The following TAFA1 variants were observed in gnomAD, a reference collection of about 807,000 sequenced individuals.
The protein encoded by TAFA1 is chemokine-like protein TAFA-1.
Under a neutral mutation model 18.5 loss-of-function variants are expected in TAFA1, and 4 were observed. The observed-to-expected ratio is 0.22, with a 90% CI of 0.11 to 0.49. The LOEUF (loss-of-function observed/expected upper bound fraction) is 0.49, where lower values mean the gene tolerates loss of function less well. Ranked by LOEUF, TAFA1 falls within the 20% of genes least tolerant of loss-of-function variation. The pLI, the probability that TAFA1 is intolerant of heterozygous loss-of-function variation, is 0.98. For synonymous variants in TAFA1, 56 were observed against 55.2 expected, an observed-to-expected ratio of 1.01 and a Z score of -0.06; for missense variants, 147 against 169.0, an observed-to-expected ratio of 0.87 and a Z score of 0.72.
intron 2 of TAFA1, among the ~76,000 whole-genome samples, chr3:68,259,417 C>T (rs879230485): frequency 1.3e-5 from 2 of 152,118 alleles, no homozygotes; most frequent in African/African-American, 4.8e-5. Context: ...CTTGGCGATG[C>T]GGGCTCTTTT....
chr3:68,465,244 G>A (rs2071864928), intron 3 of TAFA1, among the ~76,000 whole-genome samples: 1 of 152,068 alleles, frequency 6.6e-6, no homozygotes, highest in African/African-American at 2.4e-5. Context: ...ATACTACTGG[G>A]AACAACTAGC....
intron 2 of TAFA1, among the ~76,000 whole-genome samples, chr3:68,402,047 C>T (rs886177853): frequency 1.3e-5 from 2 of 152,174 alleles, no homozygotes; most frequent in African/African-American, 4.8e-5. Flanking sequence ...AAAACTCATT[C>T]TACATTCTTG....
intron 2 of TAFA1, among the ~76,000 whole-genome samples, chr3:68,201,057 G>T (rs1470396924): frequency 2.6e-5 from 4 of 151,406 alleles, no homozygotes; most frequent in Non-Finnish European, 5.9e-5. Flanking sequence ...AACAATTTTG[G>T]TAAGTTGTGT....
rs139382693 is a variant in TAFA1 at position 68,355,988 on chromosome 3, T to C, written c.119-61292T>C. On this transcript the variant is annotated intron_variant, in intron 2 of 4. Coordinates refer to ENST00000478136, the MANE Select transcript of TAFA1 (RefSeq NM_213609.4). ...CTAAAAGAAATAAATATTTTAAAAA[T>C]TGAAATGAAATTAGAAATTCAGCTC... is the stretch of plus-strand genomic sequence containing the variant. Among the ~76,000 whole-genome samples the C allele has an allele frequency of 9.9e-5, 15 of 152,058 alleles. No homozygotes were observed. In the East Asian group the frequency reaches 1.7e-3, roughly 18 times the overall value.
At chr3:68,136,603 CTT>C (rs1293010030) in intron 2 of TAFA1, among the ~76,000 whole-genome samples, 1 of 152,140 alleles carries the variant, frequency 6.6e-6, no homozygotes, top group African/African-American at 2.4e-5. Flanking sequence ...GCATTCGTTG[CTT>C]CTCTCTTTTT....
At chr3:68,296,918 A>G (rs977111540) in intron 2 of TAFA1, among the ~76,000 whole-genome samples, 20 of 152,196 alleles carry the variant, frequency 1.3e-4, no homozygotes, top group Non-Finnish European at 1.6e-4. Context: ...TGTTTGGGGA[A>G]AGTGGCCTAA....
intron 3 of TAFA1, among the ~76,000 whole-genome samples, chr3:68,536,274 T>C (rs541921765): frequency 6.6e-6 from 1 of 152,348 alleles, no homozygotes; most frequent in East Asian, 1.9e-4. Context: ...AGCAATCTCA[T>C]CCCTCTAGTG....
At chr3:68,195,160 C>A (rs2066395656) in intron 2 of TAFA1, among the ~76,000 whole-genome samples, 1 of 151,186 alleles carries the variant, frequency 6.6e-6, no homozygotes, top group African/African-American at 2.4e-5. Flanking sequence ...TCAAGCCTTA[C>A]TCTAATTTGG....
chr3:68,175,247 C>A (rs1473729069), intron 2 of TAFA1, among the ~76,000 whole-genome samples: 1 of 152,174 alleles, frequency 6.6e-6, no homozygotes, highest in Non-Finnish European at 1.5e-5. Flanking sequence ...GGTTGGAGCC[C>A]CAACACAGAG....
At chr3:68,078,689 G>C (rs2064857828) in intron 2 of TAFA1, among the ~76,000 whole-genome samples, 1 of 152,054 alleles carries the variant, frequency 6.6e-6, no homozygotes, top group Non-Finnish European at 1.5e-5. Flanking sequence ...TAAGCTTTTT[G>C]ATGTGCTGCT....
intron 3 of TAFA1, among the ~76,000 whole-genome samples, chr3:68,532,608 G>A (rs2073207690): frequency 6.6e-6 from 1 of 152,068 alleles, no homozygotes; most frequent in African/African-American, 2.4e-5. Flanking sequence ...GAAGTAGTTG[G>A]GGAGGGTGCA....
chr3:68,534,056 T>C (rs553499600), intron 3 of TAFA1, among the ~76,000 whole-genome samples: 1 of 152,212 alleles, frequency 6.6e-6, no homozygotes, highest in Admixed American at 6.5e-5. Context: ...TTTGAGATGG[T>C]TGTTCAGAGG....
intron 2 of TAFA1, among the ~76,000 whole-genome samples, chr3:68,302,649 G>C (rs144823162): frequency 3.3e-4 from 50 of 151,988 alleles, no homozygotes; most frequent in Non-Finnish European, 6.8e-4. Flanking sequence ...CTAAGACAAT[G>C]TCTGGTATCG....
At chr3:68,076,863 G>A (rs2064831751) in intron 2 of TAFA1, among the ~76,000 whole-genome samples, 1 of 152,184 alleles carries the variant, frequency 6.6e-6, no homozygotes, top group Admixed American at 6.5e-5. Context: ...TCCAGTTCTA[G>A]ATCCCCGAGG....
At chr3:68,047,125 C>A (rs1332494356) in intron 2 of TAFA1, among the ~76,000 whole-genome samples, 1 of 152,144 alleles carries the variant, frequency 6.6e-6, no homozygotes, top group African/African-American at 2.4e-5. Flanking sequence ...AGGCAAGCTA[C>A]AGATGCTACA....
At chr3:68,057,393 A>C (rs2064549800) in intron 2 of TAFA1, among the ~76,000 whole-genome samples, 1 of 152,210 alleles carries the variant, frequency 6.6e-6, no homozygotes, top group Non-Finnish European at 1.5e-5. Context: ...ACATCACATT[A>C]ATCATTTTAC....
chr3:68,533,326 G>A (rs2073218637), intron 3 of TAFA1, among the ~76,000 whole-genome samples: 1 of 152,014 alleles, frequency 6.6e-6, no homozygotes, highest in Non-Finnish European at 1.5e-5. Context: ...AAGCAAAAGG[G>A]GAAATCCCTT....
intron 2 of TAFA1, among the ~76,000 whole-genome samples, chr3:68,222,006 A>G (rs2066737437): frequency 6.6e-6 from 1 of 152,204 alleles, no homozygotes; most frequent in African/African-American, 2.4e-5. Flanking sequence ...CTCAAGATGA[A>G]TAACTGTTGG....
intron 2 of TAFA1, among the ~76,000 whole-genome samples, chr3:68,337,651 G>GT (rs770877268): frequency 3.4e-4 from 51 of 152,084 alleles, no homozygotes; most frequent in Non-Finnish European, 5.9e-4. Flanking sequence ...GTGTTATTCT[G>GT]TTTTTTGTTT....
Sources: gnomAD v4.1 joint callset for allele counts (sites outside exome capture counted in the v4.1 genomes callset) on GRCh38, gnomAD v4.1.1 for gene constraint, MANE v1.5 for transcripts, NCBI Gene and HGNC (gene_info 2026-07-23, HGNC 2026-07-21) for gene names.